ARHGAP18: variants seen among roughly 807,000 people sequenced by gnomAD.
ARHGAP18 encodes the protein Rho GTPase activating protein 18.
A neutral mutation model predicts 86.2 loss-of-function variants in ARHGAP18; 67 were observed. The ratio of observed to expected loss-of-function variants is 0.78; its 90% CI spans 0.64 to 0.95. The LOEUF is 0.95. ARHGAP18 is among the 40% of genes least tolerant of loss of function. The probability of loss-of-function intolerance (pLI) is 0.00; values close to 1 mark genes in which losing one functional copy is unlikely to be tolerated. For synonymous variants in ARHGAP18, 283 were observed against 280.4 expected (o/e 1.01, Z -0.09); for missense variants, 691 against 780.4 (o/e 0.89, Z 1.37).
intron 1 of ARHGAP18, among the ~76,000 whole-genome samples, chr6:129,689,046 T>C (rs966667045): frequency 1.3e-5 from 2 of 152,216 alleles, no homozygotes; most frequent in African/African-American, 4.8e-5. Flanking sequence ...GTGCTATTAC[T>C]CTTCTTTGTC....
intron 4 of ARHGAP18, among the ~76,000 whole-genome samples, chr6:129,632,899 T>C (rs1306462091): frequency 6.6e-6 from 1 of 152,124 alleles, no homozygotes; most frequent in African/African-American, 2.4e-5. Context: ...GTTTACCTAA[T>C]ACCCCTCCCA....
intron 1 of ARHGAP18, among the ~76,000 whole-genome samples, chr6:129,703,673 A>C (rs1228191018): frequency 6.6e-6 from 1 of 152,250 alleles, no homozygotes; most frequent in Non-Finnish European, 1.5e-5. Context: ...TGAACCTAAG[A>C]CTTCCCCAGT....
At chr6:129,686,968 TTTTTTTTTTC>T (rs1435017901) in intron 1 of ARHGAP18, among the ~76,000 whole-genome samples, 49 of 68,930 alleles carry the variant, frequency 7.1e-4, no homozygotes, top group African/African-American at 2.3e-3. Context: ...TTTTTTTTTC[TTTTTTTTTTC>T]TTTTTTTTTT....
rs1584044989 is a variant in ARHGAP18, at chr6:129,611,638, T to C, written c.1045-28A>G. The C allele has an allele frequency of 1.9e-6, 3 of 1,597,166 alleles. No individual in the cohort carries two copies. The South Asian group carries it at 3.3e-5, about 18-fold the overall frequency. On this transcript the variant is annotated intron_variant, in intron 7 of 14. Transcript: ENST00000368149. ...GTGCATAAACAGAGAAACATTCTAA[T>C]TTCCGTATTTGTAACAGGTACAATT... is the stretch of plus-strand genomic sequence containing the variant.
intron 2 of ARHGAP18, 25 bp downstream of exon 2, chr6:129,641,791 A>G (rs1248202899): frequency 6.3e-7 from 1 of 1,592,536 alleles, no homozygotes; most frequent in Admixed American, 1.7e-5. Flanking sequence ...ACAAACAACA[A>G]AAGCTTTATT....
chr6:129,663,387 C>G (rs890909679), intron 1 of ARHGAP18, among the ~76,000 whole-genome samples: 3 of 152,024 alleles, frequency 2.0e-5, no homozygotes, highest in African/African-American at 7.2e-5. Context: ...TTCTTTTTTT[C>G]TAGAGATGAA....
intron 9 of ARHGAP18, among the ~76,000 whole-genome samples, chr6:129,606,522 C>T (rs1321937432): frequency 6.6e-6 from 1 of 151,410 alleles, no homozygotes; most frequent in Non-Finnish European, 1.5e-5. Flanking sequence ...TTTTCAGCAG[C>T]CCTTACCCCA....
chr6:129,617,639 T>TA lies in ARHGAP18; in HGVS notation c.952+1047dup, dbSNP rs927818976. 3.6e-3 allele frequency among the ~76,000 whole-genome samples: 534 copies of TA among 147,086 alleles called. 3 individuals are homozygous for TA. Among genetic ancestry groups the TA allele is most frequent in the Middle Eastern group, 0.025 (7 of 282 alleles). On this transcript the variant is annotated intron_variant, in intron 6 of 14. Coordinates refer to ENST00000368149, the MANE Select transcript of ARHGAP18 (RefSeq NM_033515.3). ...GGATGCAATTCTAAAACATAAGAAT[T>TA]AAAAAAAAAAACTCTTAGCCACTTT... is the stretch of plus-strand genomic sequence containing the variant.
chr6:129,709,922 C>T (rs1448229304), intron 1 of ARHGAP18, 102 bp downstream of exon 1: 16 of 887,818 alleles, frequency 1.8e-5, no homozygotes, highest in Middle Eastern at 4.6e-4. Context: ...TCAGGCTCGA[C>T]GTGCAGATGG....
chr6:129,694,693 C>CTGT (rs1774584320), intron 1 of ARHGAP18, among the ~76,000 whole-genome samples: 1 of 152,188 alleles, frequency 6.6e-6, no homozygotes. Flanking sequence ...TGGCATATAT[C>CTGT]CTCTTAGCTG....
chr6:129,598,165 A>T (rs1476610878), intron 12 of ARHGAP18, among the ~76,000 whole-genome samples: 1 of 152,136 alleles, frequency 6.6e-6, no homozygotes. Context: ...AAATGCCAAA[A>T]AAAAAGGCTT....
At chr6:129,675,886 C>A (rs1402866072) in intron 1 of ARHGAP18, among the ~76,000 whole-genome samples, 1 of 152,194 alleles carries the variant, frequency 6.6e-6, no homozygotes, top group Non-Finnish European at 1.5e-5. Flanking sequence ...CCGTACTCCA[C>A]CCCACCCTCC....
intron 5 of ARHGAP18, among the ~76,000 whole-genome samples, chr6:129,627,716 G>C (rs1401693555): frequency 6.6e-6 from 1 of 151,908 alleles, no homozygotes; most frequent in Non-Finnish European, 1.5e-5. Flanking sequence ...GGAGATTTAA[G>C]AATTCTTAAA....
At chr6:129,581,408 CATT>C (rs1788286690) in intron 13 of ARHGAP18, among the ~76,000 whole-genome samples, 1 of 152,072 alleles carries the variant, frequency 6.6e-6, no homozygotes, top group South Asian at 2.1e-4. Flanking sequence ...ATAATTTAAT[CATT>C]ATTATTTTTG....
chr6:129,593,417 C>T (rs1788556940), intron 12 of ARHGAP18, among the ~76,000 whole-genome samples: 1 of 152,134 alleles, frequency 6.6e-6, no homozygotes, highest in Admixed American at 6.6e-5. Flanking sequence ...GCCATGATTG[C>T]ACCATTGCAC....
chr6:129,704,755 C>G (rs1774776337), intron 1 of ARHGAP18, among the ~76,000 whole-genome samples: 1 of 152,196 alleles, frequency 6.6e-6, no homozygotes, highest in Non-Finnish European at 1.5e-5. Flanking sequence ...ATATAACAGC[C>G]AGAGGGACCT....
intron 1 of ARHGAP18, among the ~76,000 whole-genome samples, chr6:129,654,080 T>C (rs1039478185): frequency 3.0e-4 from 46 of 151,950 alleles, no homozygotes; most frequent in South Asian, 4.2e-4. Flanking sequence ...AAAACAAGCA[T>C]TTTCAGTAAA....
At chr6:129,681,854 CCTT>C (rs1774329976) in intron 1 of ARHGAP18, among the ~76,000 whole-genome samples, 1 of 152,216 alleles carries the variant, frequency 6.6e-6, no homozygotes, top group South Asian at 2.1e-4. Flanking sequence ...ATCCATTATC[CCTT>C]CTTCTTCATT....
Position 129,710,163 on chromosome 6 carries a change from G to C in ARHGAP18, c.-27C>G, listed in dbSNP as rs751204070. ...GTGAGAGAAGGGACATACTTTCTGCGATCCTGACACAGAGAAGGGGAAAGA... is the reference window on the plus strand; with the variant it reads ...GTGAGAGAAGGGACATACTTTCTGCCATCCTGACACAGAGAAGGGGAAAGA... On this transcript the variant is annotated 5_prime_UTR_variant, in exon 1 of 15. In the 5' UTR this introduces an upstream ATG that the reference lacks. Transcript: ENST00000368149. The C allele has an allele frequency of 1.2e-5, 18 of 1,553,222 alleles. No individual in the cohort carries two copies. The African/African-American group carries it at 2.4e-4, about 21-fold the overall frequency.
Sources: allele counts gnomAD v4.1 joint callset (sites outside exome capture counted in the v4.1 genomes callset), GRCh38; gene constraint gnomAD v4.1.1; transcripts MANE v1.5; gene names NCBI Gene and HGNC (gene_info 2026-07-23, HGNC 2026-07-21).